PRAG1: variants seen among roughly 807,000 people sequenced by gnomAD.
PRAG1 encodes the protein inactive tyrosine-protein kinase PRAG1.
A neutral mutation model predicts 95.6 loss-of-function variants in PRAG1; 110 were observed. That is an observed-to-expected ratio of 1.15 (90% CI 0.99 to 1.35). The LOEUF is 1.35. Ranked by LOEUF, PRAG1 falls within the 40% of genes most tolerant of loss-of-function variation. The pLI, the probability that PRAG1 is intolerant of heterozygous loss-of-function variation, is 0.00. For missense variants in PRAG1, 2,554 were observed against 1,864.7 expected (o/e 1.37, Z -6.81); for synonymous variants, 1,052 against 819.4 (o/e 1.28, Z -4.85).
intron 3 of PRAG1, among the ~76,000 whole-genome samples, chr8:8,374,994 C>T (rs1436611711): frequency 6.6e-6 from 1 of 151,938 alleles, no homozygotes; most frequent in African/African-American, 2.4e-5. Flanking sequence ...TAGGTTTCTC[C>T]TTTTCCTAAC....
Position 8,357,474 on chromosome 8 carries a change from CA to C in PRAG1, c.2163-17840del, listed in dbSNP as rs1251895765. ...CTTTAATCATTTGGAAAACACAAAT[CA>C]AAAGCACAATGAGACAACAACTCAT... On this transcript the variant is annotated intron_variant, in intron 3 of 5. Transcript: ENST00000615670. Among the ~76,000 whole-genome samples, 3 of 152,104 alleles carry C rather than the reference CA, an allele frequency of 2.0e-5. No homozygotes were observed. The East Asian group carries it at 5.8e-4, about 29-fold the overall frequency.
intron 2 of PRAG1, among the ~76,000 whole-genome samples, chr8:8,378,839 G>C (rs182644879): frequency 6.7e-6 from 1 of 149,254 alleles, no homozygotes; most frequent in East Asian, 2.0e-4. Flanking sequence ...CAGCCTGGGC[G>C]ACAATGCCAG....
At position 8,377,873 on chromosome 8, in the gene PRAG1, GGGTGGA is replaced by G. The variant is rs765308904; in HGVS notation, c.530_535del (p.Phe177_Pro179delinsSer). ...AGCCTTCTCCTCCGGGAAGCTCACC[GGGTGGA>G]AGGCAATGTTCCTCTCGCCGCGGGG... On this transcript the variant is annotated inframe_deletion, in exon 3 of 6. Coordinates refer to ENST00000615670, the MANE Select transcript of PRAG1 (RefSeq NM_001080826.3). The G allele has an allele frequency of 1.2e-5, 19 of 1,614,118 alleles. No individual in the cohort carries two copies. The highest frequency in any genetic ancestry group is 1.6e-5 in the Non-Finnish European group (19 of 1,180,024).
chr8:8,377,668 G>C lies in PRAG1; in HGVS notation c.741C>G (p.Asp247Glu). ...TGGAGCAGTACTCTCCACCCTCGCT[G>C]TCCCCGGAGGGCGAGCACCTTTGAT... ...DSDQRCSPSG[D>E]SEGGEYCSIL... Residue 247 changes from aspartate to glutamate, a missense_variant, in exon 3 of 6, where the codon GAC becomes GAG. Transcript: ENST00000615670. 2 of 1,613,828 alleles carry C rather than the reference G, an allele frequency of 1.2e-6. No homozygotes were observed. Among genetic ancestry groups the C allele is most frequent in the Admixed American group, 3.3e-5 (2 of 60,024 alleles).
intron 5 of PRAG1, 75 bp from the exon 6 acceptor site, chr8:8,319,377 A>G: frequency 1.6e-6 from 2 of 1,285,890 alleles, no homozygotes; most frequent in East Asian, 2.5e-5. Flanking sequence ...GAAACATTTG[A>G]GTATCTACGT....
chr8:8,344,256 T>C (rs1302867761), intron 3 of PRAG1, among the ~76,000 whole-genome samples: 1 of 152,178 alleles, frequency 6.6e-6, no homozygotes, highest in Non-Finnish European at 1.5e-5. Context: ...AATGAAAACA[T>C]TGTGGTATAG....
intron 3 of PRAG1, among the ~76,000 whole-genome samples, chr8:8,359,395 T>C (rs1799778352): frequency 6.6e-6 from 1 of 152,216 alleles, no homozygotes; most frequent in African/African-American, 2.4e-5. Context: ...CTATTACAGT[T>C]GCTATAGAAG....
chr8:8,373,248 C>T (rs1369359593), intron 3 of PRAG1, among the ~76,000 whole-genome samples: 2 of 152,134 alleles, frequency 1.3e-5, no homozygotes, highest in Non-Finnish European at 1.5e-5. Context: ...CTATCCCCAG[C>T]GGAGGTACTG....
intron 3 of PRAG1, chr8:8,374,819 G>A (rs775831206): frequency 5.7e-6 from 2 of 352,766 alleles, no homozygotes; most frequent in Non-Finnish European, 7.9e-6. Flanking sequence ...ATCAGTGCCT[G>A]AGACGCCGTG....
In PRAG1 at chr8:8,319,211, A is replaced by C; in HGVS notation, c.3164T>G (p.Val1055Gly). 2 of 1,585,898 alleles carry C rather than the reference A, an allele frequency of 1.3e-6. No homozygotes were observed. Among genetic ancestry groups the C allele is most frequent in the Non-Finnish European group, 1.7e-6 (2 of 1,162,438 alleles). The part of the protein sequence containing the change: ...FNIQQDCGHF[V>G]ASVPSSMLSS... ...GAGCATGCTGGACGGCACCGAGGCGACGAAGTGGCCGCAGTCCTGCTGGAT... is the reference window on the plus strand; with the variant it reads ...GAGCATGCTGGACGGCACCGAGGCGCCGAAGTGGCCGCAGTCCTGCTGGAT... The change falls in exon 6 of 6, where the codon GTC becomes GGC. Residue 1055 changes from valine (V) to glycine (G), a missense_variant. Coordinates refer to ENST00000615670, the MANE Select transcript of PRAG1 (RefSeq NM_001080826.3).
chr8:8,339,066 G>C (rs1160224670), intron 4 of PRAG1, among the ~76,000 whole-genome samples: 3 of 152,066 alleles, frequency 2.0e-5, no homozygotes, highest in African/African-American at 7.2e-5. Flanking sequence ...CAGTAAGTGT[G>C]TACATGTGGG....
chr8:8,356,563 G>T (rs528268297), intron 3 of PRAG1, among the ~76,000 whole-genome samples: 1 of 152,068 alleles, frequency 6.6e-6, no homozygotes, highest in Admixed American at 6.5e-5. Flanking sequence ...TCCCAGACTG[G>T]GCTCGAACTC....
intron 3 of PRAG1, among the ~76,000 whole-genome samples, chr8:8,360,010 A>G (rs1386537226): frequency 6.6e-6 from 1 of 152,170 alleles, no homozygotes; most frequent in Non-Finnish European, 1.5e-5. Flanking sequence ...CCTCTGAGGA[A>G]CGAGCTAAAT....
At position 8,319,234 on chromosome 8, in the gene PRAG1, G is replaced by C; in HGVS notation, c.3141C>G (p.Ile1047Met). Residue 1047 changes from isoleucine to methionine, a missense_variant, in exon 6 of 6, where the codon ATC becomes ATG. Transcript: ENST00000615670. ...CSPSVPVHFN[I>M]QQDCGHFVAS... ...CGACGAAGTGGCCGCAGTCCTGCTG[G>C]ATGTTAAAGTGCACGGGCACGGACG... 1.3e-6 allele frequency: 2 copies of C among 1,564,948 alleles called. No individual in the cohort carries two copies. The highest frequency in any genetic ancestry group is 1.2e-5 in the South Asian group (1 of 84,332).
intron 4 of PRAG1, among the ~76,000 whole-genome samples, chr8:8,337,394 G>A (rs1442952999): frequency 6.6e-6 from 1 of 152,134 alleles, no homozygotes; most frequent in Non-Finnish European, 1.5e-5. Flanking sequence ...GTGAATGAAG[G>A]ATTTCTCATA....
intron 4 of PRAG1, among the ~76,000 whole-genome samples, chr8:8,335,033 T>C (rs1311414838): frequency 3.3e-5 from 5 of 151,556 alleles, no homozygotes; most frequent in Non-Finnish European, 7.4e-5. Context: ...ATTGTGCCAC[T>C]CCAGCCTGGG....
In PRAG1 at chr8:8,339,551, C is replaced by A. The variant is rs551632226; in HGVS notation, c.2247G>T (p.Arg749Ser). 4 of 1,614,020 alleles carry A rather than the reference C, an allele frequency of 2.5e-6. No individual in the cohort carries two copies. Among genetic ancestry groups the A allele is most frequent in the East Asian group, 2.2e-5 (1 of 44,896 alleles). ...CGGTGGTGAAGCTGACGTGGACACCCCTGAAGGATGGGCTGAGGCTTTCTG... is the reference window on the plus strand; with the variant it reads ...CGGTGGTGAAGCTGACGTGGACACCACTGAAGGATGGGCTGAGGCTTTCTG... The part of the protein sequence containing the change: ...GSAESLSPSF[R>S]GVHVSFTTGS... The change falls in exon 4 of 6, where the codon AGG becomes AGT. Residue 749 changes from arginine (R) to serine (S), a missense_variant. Arg to Ser is a moderately radical substitution (Grantham distance 110). Coordinates refer to ENST00000615670, the MANE Select transcript of PRAG1 (RefSeq NM_001080826.3).
In PRAG1 at chr8:8,318,549, G is replaced by A; in HGVS notation, c.3826C>T (p.Gln1276Ter). Reference sequence around the variant, plus strand: ...TGCCGGTAGTCTCTCTCCCGCAGCTGGGCGCGCACCTCGAACGGGTTGGGT... The same window carrying A: ...TGCCGGTAGTCTCTCTCCCGCAGCTAGGCGCGCACCTCGAACGGGTTGGGT... ...HQPNPFEVRA[Q>*]LRERDYRQED... The change falls in exon 6 of 6, where the codon CAG (glutamine) becomes TAG (stop). Residue 1276 changes from glutamine to a stop codon, truncating the protein, a stop_gained. Coordinates refer to ENST00000615670, the MANE Select transcript of PRAG1 (RefSeq NM_001080826.3). LOFTEE classifies it high-confidence loss of function. This position sits in a 1 kb window ranked among gnomAD's most constrained non-coding sequence, Gnocchi z 4.2. 2 of 1,613,632 alleles carry A rather than the reference G, an allele frequency of 1.2e-6. No individual in the cohort carries two copies. Among genetic ancestry groups the A allele is most frequent in the South Asian group, 1.1e-5 (1 of 91,086 alleles).
intron 3 of PRAG1, among the ~76,000 whole-genome samples, chr8:8,340,302 G>A (rs1471488785): frequency 3.3e-5 from 5 of 152,138 alleles, no homozygotes; most frequent in African/African-American, 1.2e-4. Flanking sequence ...AACAGATCAA[G>A]GACAGAAATA....
Sources: gnomAD v4.1 joint callset for allele counts (sites outside exome capture counted in the v4.1 genomes callset) on GRCh38, gnomAD v4.1.1 for gene constraint, Gnocchi (gnomAD v3.1) non-coding constraint, MANE v1.5 for transcripts, NCBI Gene and HGNC (gene_info 2026-07-23, HGNC 2026-07-21) for gene names.